TUBA3C: variants seen among roughly 807,000 people sequenced by gnomAD.
The protein encoded by TUBA3C is tubulin alpha-3C chain.
TUBA3C carries 23 observed loss-of-function variants against 33.4 expected under a neutral mutation model. The observed-to-expected ratio is 0.69, with a 90% CI of 0.50 to 0.98. TUBA3C has a LOEUF of 0.98. Ranked by LOEUF, TUBA3C falls within the 50% of genes least tolerant of loss-of-function variation. The probability of loss-of-function intolerance (pLI) is 0.00; values close to 1 mark genes in which losing one functional copy is unlikely to be tolerated. For missense variants in TUBA3C, 402 were observed against 616.0 expected (o/e 0.65, Z 3.68); for synonymous variants, 269 against 250.4 (o/e 1.07, Z -0.70).
intron 2 of TUBA3C, among the ~76,000 whole-genome samples, 178 bp downstream of exon 2, chr13:19,179,163 G>A (rs1257663404): frequency 1.3e-5 from 2 of 152,158 alleles, no homozygotes; most frequent in African/African-American, 4.8e-5. Context: ...CCTAACTTAG[G>A]AGCCGAATCT....
At position 19,177,208 on chromosome 13, in the gene TUBA3C, G is replaced by A. The variant is rs559863636; in HGVS notation, c.775C>T (p.Leu259=). 10 of 1,614,146 alleles carry A rather than the reference G, an allele frequency of 6.2e-6. No homozygotes were observed. In the African/African-American group the frequency reaches 8.0e-5, roughly 13 times the overall value. ...AAGTGGATGCGGGGGTACGGCACTAGGTTGGTCTGGAATTCCGTCAAGTCC... is the reference window on the plus strand; with the variant it reads ...AAGTGGATGCGGGGGTACGGCACTAAGTTGGTCTGGAATTCCGTCAAGTCC... The part of the protein sequence containing the change: ...NVDLTEFQTN[L]VPYPRIHFPL... The change falls in exon 4 of 5, where the codon CTA becomes TTA. Residue 259 remains leucine (L), a synonymous_variant. Transcript: ENST00000400113. The surrounding 1 kb of genome is among the most constrained non-coding windows in gnomAD (Gnocchi z 5.0).
rs553955901 is a variant in TUBA3C, at chr13:19,181,187, G to A, written c.3+558C>T. ...CCCACCTCAGCCTCCCGAGTAGCTG[G>A]AACCACAGATCCACGCCTCCACCCC... On this transcript the variant is annotated intron_variant, in intron 1 of 4. Transcript: ENST00000400113. Among the ~76,000 whole-genome samples, 90 of 151,798 alleles carry A rather than the reference G, an allele frequency of 5.9e-4. 1 individual carries two copies. Among genetic ancestry groups the A allele is most frequent in the Middle Eastern group, 6.8e-3 (2 of 294 alleles).
intron 2 of TUBA3C, 98 bp downstream of exon 2, chr13:19,179,243 C>T: frequency 6.5e-7 from 1 of 1,535,290 alleles, no homozygotes; most frequent in South Asian, 1.2e-5. Context: ...CTATCTCATA[C>T]CTTCTGCAGG....
Position 19,177,696 on chromosome 13 carries a change from G to C in TUBA3C, c.376-89C>G. 6.9e-7 allele frequency: 1 copy of C among 1,458,184 alleles called. No individual in the cohort carries two copies. The highest frequency in any genetic ancestry group is 2.3e-5 in the East Asian group (1 of 43,024). 90.3% of individuals were successfully genotyped at this position (1,458,184 alleles called of 1,614,324 possible). A position where few individuals can be genotyped will look rare whatever the true frequency, so the allele number is the denominator to read the frequency against. ...CCAGGGCCACTTCTCTGCCTCTGAAGACTTGATATGGATTCCAATCATCCA... is the reference window on the plus strand; with the variant it reads ...CCAGGGCCACTTCTCTGCCTCTGAACACTTGATATGGATTCCAATCATCCA... On this transcript the variant is annotated intron_variant, in intron 3 of 4. Coordinates refer to ENST00000400113, the MANE Select transcript of TUBA3C (RefSeq NM_006001.3). The surrounding 1 kb of genome is among the most constrained non-coding windows in gnomAD (Gnocchi z 5.0).
intron 2 of TUBA3C, 93 bp downstream of exon 2, chr13:19,179,248 T>C: frequency 6.4e-7 from 1 of 1,550,908 alleles, no homozygotes; most frequent in Non-Finnish European, 8.7e-7. Flanking sequence ...TCATACCTTC[T>C]GCAGGAGGAT....
intron 1 of TUBA3C, among the ~76,000 whole-genome samples, 162 bp from the exon 2 acceptor site, chr13:19,179,725 T>C (rs1869335879): frequency 6.6e-6 from 1 of 152,190 alleles, no homozygotes; most frequent in South Asian, 2.1e-4. Flanking sequence ...CCTTTATCCC[T>C]GTGAAAACTT....
intron 1 of TUBA3C, among the ~76,000 whole-genome samples, chr13:19,179,893 T>C (rs1869342270): frequency 2.0e-5 from 3 of 152,330 alleles, no homozygotes; most frequent in African/African-American, 7.2e-5. Context: ...CTCTGAAGAA[T>C]ACATAGCAGT....
intron 3 of TUBA3C, 51 bp downstream of exon 3, chr13:19,178,195 G>A: frequency 6.2e-7 from 1 of 1,605,268 alleles, no homozygotes; most frequent in South Asian, 1.1e-5. Context: ...CACAATCTAA[G>A]ATCTACCCTC....
At chr13:19,181,147 G>C (rs922720174) in intron 1 of TUBA3C, among the ~76,000 whole-genome samples, 6 of 151,328 alleles carry the variant, frequency 4.0e-5, no homozygotes, top group Non-Finnish European at 8.8e-5. Context: ...CGAAGTCCTG[G>C]GCTCAGCTGA....
intron 4 of TUBA3C, among the ~76,000 whole-genome samples, chr13:19,174,433 A>ATT (rs11312319): frequency 1.4e-5 from 2 of 145,208 alleles, no homozygotes; most frequent in South Asian, 2.2e-4. Context: ...CATGCCCAGC[A>ATT]TTTTTTTTTT....
chr13:19,178,483 A>G, intron 2 of TUBA3C, 89 bp from the exon 3 acceptor site: 1 of 1,545,502 alleles, frequency 6.5e-7, no homozygotes, highest in South Asian at 1.2e-5. Context: ...TCTACAAAGT[A>G]CATGCTGTTC....
intron 2 of TUBA3C, among the ~76,000 whole-genome samples, chr13:19,179,122 C>A (rs1869304776): frequency 6.6e-6 from 1 of 152,168 alleles, no homozygotes; most frequent in Non-Finnish European, 1.5e-5. Context: ...TTACTGTTGG[C>A]AAAGCAGCTT....
In TUBA3C at chr13:19,177,655, A is replaced by T. The variant is rs1400283368; in HGVS notation, c.376-48T>A. 4.6e-6 allele frequency: 7 copies of T among 1,525,112 alleles called. No individual in the cohort carries two copies. The highest frequency in any genetic ancestry group is 6.1e-6 in the Non-Finnish European group (7 of 1,139,004). 94.5% of individuals were successfully genotyped at this position (1,525,112 alleles called of 1,614,324 possible). A position where few individuals can be genotyped will look rare whatever the true frequency, so the allele number is the denominator to read the frequency against. ...AATCAATGCCCGTGGAAGCCACACC[A>T]CCAACCTCCACCAAGCCAGGGCCAC... is the stretch of plus-strand genomic sequence containing the variant. On this transcript the variant is annotated intron_variant, in intron 3 of 4. Transcript: ENST00000400113. This position sits in a 1 kb window ranked among gnomAD's most constrained non-coding sequence, Gnocchi z 5.0.
In TUBA3C at chr13:19,177,440, C is replaced by G. The variant is rs1436158366; in HGVS notation, c.543G>C (p.Val181=). The G allele has an allele frequency of 6.2e-7, 1 of 1,614,084 alleles. No homozygotes were observed. Among genetic ancestry groups the G allele is most frequent in the African/African-American group, 1.3e-5 (1 of 74,994 alleles). The change falls in exon 4 of 5, where the codon GTG becomes GTC. Residue 181 remains valine, a synonymous_variant. Transcript: ENST00000400113. This position sits in a 1 kb window ranked among gnomAD's most constrained non-coding sequence, Gnocchi z 5.0. ...TCAGGATGGAGTTGTAGGGCTCCAC[C>G]ACGGCCGTGGAGACCTGGGGGGCTG... is the stretch of plus-strand genomic sequence containing the variant. ...IYPAPQVSTA[V]VEPYNSILTT...
intron 3 of TUBA3C, 148 bp downstream of exon 3, chr13:19,178,098 G>T (rs1593261621): frequency 7.8e-7 from 1 of 1,275,670 alleles, no homozygotes; most frequent in Non-Finnish European, 1.1e-6. Flanking sequence ...TGCCCACCTT[G>T]GCCTCCCAAA....
At chr13:19,179,899 G>C (rs1395933825) in intron 1 of TUBA3C, among the ~76,000 whole-genome samples, 1 of 152,148 alleles carries the variant, frequency 6.6e-6, no homozygotes, top group African/African-American at 2.4e-5. Context: ...AGAATACATA[G>C]CAGTTTTTGA....
At chr13:19,176,760 G>T (rs372676381) in intron 4 of TUBA3C, among the ~76,000 whole-genome samples, 167 bp downstream of exon 4, 7 of 43,780 alleles carry the variant, frequency 1.6e-4, no homozygotes, top group South Asian at 6.8e-4. Flanking sequence ...AAAAAAAAAA[G>T]ACATCACTGA....
rs1869248381 is a variant in TUBA3C, at chr13:19,177,650, ACAC to A, written c.376-46_376-44del. 1.3e-6 allele frequency: 2 copies of A among 1,531,542 alleles called. No homozygotes were observed. Among genetic ancestry groups the A allele is most frequent in the Middle Eastern group, 1.8e-4 (1 of 5,586 alleles). The allele number at this position is 1,531,542 out of a possible 1,614,324, so 94.9% of individuals were successfully genotyped here. A position where few individuals can be genotyped will look rare whatever the true frequency, so the allele number is the denominator to read the frequency against. ...ACATGAATCAATGCCCGTGGAAGCC[ACAC>A]CACCAACCTCCACCAAGCCAGGGCC... is the stretch of plus-strand genomic sequence containing the variant. On this transcript the variant is annotated intron_variant, in intron 3 of 4. Coordinates refer to ENST00000400113, the MANE Select transcript of TUBA3C (RefSeq NM_006001.3). This position sits in a 1 kb window ranked among gnomAD's most constrained non-coding sequence, Gnocchi z 5.0.
In TUBA3C at chr13:19,181,809, G is replaced by A. The variant is rs1041038747; in HGVS notation, c.-62C>T. ...CTTGACCTCAACCGCCGCTGCAGCT[G>A]CGCACGCCCAACGACAGCCTCCCGC... is the stretch of plus-strand genomic sequence containing the variant. On this transcript the variant is annotated 5_prime_UTR_variant, in exon 1 of 5. Transcript: ENST00000400113. The A allele has an allele frequency of 2.6e-5, 42 of 1,592,696 alleles. No homozygotes were observed. Among genetic ancestry groups the A allele is most frequent in the Non-Finnish European group, 3.6e-5 (42 of 1,174,400 alleles).
Sources: gnomAD v4.1 joint callset for allele counts (sites outside exome capture counted in the v4.1 genomes callset) on GRCh38, gnomAD v4.1.1 for gene constraint, Gnocchi (gnomAD v3.1) non-coding constraint, MANE v1.5 for transcripts, NCBI Gene and HGNC (gene_info 2026-07-23, HGNC 2026-07-21) for gene names.